SNRPN: variants seen among roughly 807,000 people sequenced by gnomAD.
SNRPN encodes small nuclear ribonucleoprotein polypeptide N.
Under a neutral mutation model 25.2 loss-of-function variants are expected in SNRPN, and 7 were observed. The observed-to-expected ratio is 0.28, with a 90% CI of 0.16 to 0.52. SNRPN has a LOEUF of 0.52. SNRPN is among the 20% of genes least tolerant of loss of function. The pLI, the probability that SNRPN is intolerant of heterozygous loss-of-function variation, is 0.96. For synonymous variants in SNRPN, 124 were observed against 110.6 expected, an observed-to-expected ratio of 1.12 and a Z score of -0.76; for missense variants, 196 against 322.5, an observed-to-expected ratio of 0.61 and a Z score of 3.00.
intron 2 of SNRPN, among the ~76,000 whole-genome samples, chr15:24,914,792 A>G (rs2059418289): frequency 6.6e-6 from 1 of 152,090 alleles, no homozygotes; most frequent in South Asian, 2.1e-4. Context: ...ATGGTAAAGA[A>G]AACTTTATTC....
chr15:24,977,678 G>C, intron 7 of SNRPN, 100 bp from the exon 8 acceptor site: 1 of 1,182,058 alleles, frequency 8.5e-7, no homozygotes, highest in Non-Finnish European at 1.2e-6. Context: ...CATTGCAACA[G>C]TTGTTTGTAA....
chr15:24,893,708 AT>A (rs1347022403), intron 2 of SNRPN, among the ~76,000 whole-genome samples: 1 of 151,606 alleles, frequency 6.6e-6, no homozygotes, highest in African/African-American at 2.4e-5. Context: ...TTAAAAAAAA[AT>A]GTACCCGTTA....
chr15:24,848,886 G>A (rs1204133079), intron 2 of SNRPN: 3 of 151,764 alleles, frequency 2.0e-5, no homozygotes, highest in Admixed American at 6.6e-5. Context: ...TCACTACTAC[G>A]TGTTTTTTTT....
At chr15:24,945,664 G>T (rs1231066615) in intron 3 of SNRPN, among the ~76,000 whole-genome samples, 1 of 152,194 alleles carries the variant, frequency 6.6e-6, no homozygotes, top group African/African-American at 2.4e-5. Flanking sequence ...GGCCATGGGT[G>T]AAGAGCTTTT....
chr15:24,906,182 G>A (rs1404281033), intron 2 of SNRPN, among the ~76,000 whole-genome samples: 2 of 152,144 alleles, frequency 1.3e-5, no homozygotes, highest in African/African-American at 2.4e-5. Flanking sequence ...CTGGAGTTCA[G>A]TGACACGATC....
At chr15:24,870,394 T>A (rs1252730576) in intron 1 of SNRPN, among the ~76,000 whole-genome samples, 1 of 152,168 alleles carries the variant, frequency 6.6e-6, no homozygotes, top group Non-Finnish European at 1.5e-5. Flanking sequence ...CCTCATATGT[T>A]CATATATAAC....
chr15:24,942,570 T>C (rs1007202120), intron 3 of SNRPN: 1 of 152,250 alleles, frequency 6.6e-6, no homozygotes, highest in Admixed American at 6.5e-5. Flanking sequence ...TGATAGTGGT[T>C]AAGGCATTTT....
intron 1 of SNRPN, among the ~76,000 whole-genome samples, chr15:24,865,069 CAG>C: frequency 7.3e-6 from 1 of 137,570 alleles, no homozygotes; most frequent in East Asian, 2.2e-4. Flanking sequence ...TTTTTTGAGA[CAG>C]AGTCTTACTC....
chr15:24,912,386 C>T (rs978122909), intron 2 of SNRPN: 2 of 152,162 alleles, frequency 1.3e-5, no homozygotes, highest in Non-Finnish European at 1.5e-5. Flanking sequence ...GAGCCATTGT[C>T]TCGGGATTAA....
At chr15:24,847,755 G>A (rs2144919066) in intron 2 of SNRPN, among the ~76,000 whole-genome samples, 1 of 152,290 alleles carries the variant, frequency 6.6e-6, no homozygotes, top group East Asian at 1.9e-4. Context: ...TTTAACGCAA[G>A]GGTTAAATAT....
At chr15:24,917,746 T>C (rs2059624159) in intron 2 of SNRPN, among the ~76,000 whole-genome samples, 1 of 152,260 alleles carries the variant, frequency 6.6e-6, no homozygotes, top group Admixed American at 6.5e-5. Context: ...TGTTCCATAT[T>C]TGTTTTTCAT....
chr15:24,975,182 T>C (rs559890147), intron 4 of SNRPN, among the ~76,000 whole-genome samples, 176 bp from the exon 5 acceptor site: 1 of 152,256 alleles, frequency 6.6e-6, no homozygotes, highest in South Asian at 2.1e-4. Context: ...CATAATCCTT[T>C]GTGGTCCTCC....
At chr15:24,909,705 C>G in intron 2 of SNRPN, 2 of 1,233,256 alleles carry the variant, frequency 1.6e-6, no homozygotes, top group Admixed American at 3.4e-5. Flanking sequence ...TTATTTTTAT[C>G]CTGTATCACC....
Position 24,835,022 on chromosome 15 carries a change from T to A in SNRPN, c.-579+5117T>A, listed in dbSNP as rs1342914065. On this transcript the variant is annotated intron_variant, in intron 2 of 12. Transcript: ENST00000400100. ...ATAGTATATATATCTATATATAAAATAGATATATATAGTATATATATCTAT... is the reference window on the plus strand; with the variant it reads ...ATAGTATATATATCTATATATAAAAAAGATATATATAGTATATATATCTAT... Among the ~76,000 whole-genome samples the A allele has an allele frequency of 3.7e-5, 2 of 53,444 alleles. 1 individual carries two copies. Among genetic ancestry groups the A allele is most frequent in the Non-Finnish European group, 7.8e-5 (2 of 25,634 alleles). 35.1% of individuals were successfully genotyped at this position (53,444 alleles called of 152,430 possible).
At chr15:24,882,538 T>A (rs12592006) in intron 1 of SNRPN, among the ~76,000 whole-genome samples, 1 of 152,008 alleles carries the variant, frequency 6.6e-6, no homozygotes, top group South Asian at 2.1e-4. Flanking sequence ...TGAAAGTATC[T>A]TAAGTTGGCC....
intron 2 of SNRPN, chr15:24,909,465 C>G: frequency 2.5e-6 from 4 of 1,583,006 alleles, no homozygotes; most frequent in Non-Finnish European, 3.4e-6. Context: ...ACTTGGCCTT[C>G]ATAGATCTTG....
intron 3 of SNRPN, among the ~76,000 whole-genome samples, chr15:24,945,553 TA>T (rs946946405): frequency 6.0e-5 from 9 of 149,060 alleles, no homozygotes; most frequent in South Asian, 2.1e-4. Context: ...CCCATCTCTT[TA>T]AAAAAAAAAT....
intron 1 of SNRPN, among the ~76,000 whole-genome samples, chr15:24,826,455 A>G (rs2050085175): frequency 6.6e-6 from 1 of 152,120 alleles, no homozygotes; most frequent in African/African-American, 2.4e-5. Flanking sequence ...TGTCTTGCCA[A>G]CCATCATTCC....
At chr15:24,875,625 A>G (rs1305454387) in intron 1 of SNRPN, among the ~76,000 whole-genome samples, 1 of 152,172 alleles carries the variant, frequency 6.6e-6, no homozygotes, top group African/African-American at 2.4e-5. Context: ...ATATGTATGT[A>G]TAAGAGTTTT....
Sources: allele counts gnomAD v4.1 joint callset (sites outside exome capture counted in the v4.1 genomes callset), GRCh38; gene constraint gnomAD v4.1.1; transcripts MANE v1.5; gene names NCBI Gene and HGNC (gene_info 2026-07-23, HGNC 2026-07-21).